Variants in SLC9C1 observed in about 807,000 individuals in gnomAD.
SLC9C1 encodes sodium/hydrogen exchanger 10.
In SLC9C1, 97 loss-of-function variants were observed where a neutral mutation model predicts 140.9. The ratio of observed to expected loss-of-function variants is 0.69; its 90% CI spans 0.58 to 0.82. The LOEUF (loss-of-function observed/expected upper bound fraction) is 0.82, where lower values mean the gene tolerates loss of function less well. SLC9C1 is among the 40% of genes least tolerant of loss of function. The pLI, the probability that SLC9C1 is intolerant of heterozygous loss-of-function variation, is 0.00. For synonymous variants in SLC9C1, 440 were observed against 442.6 expected, an observed-to-expected ratio of 0.99 and a Z score of 0.07; for missense variants, 1,340 against 1,389.3, an observed-to-expected ratio of 0.96 and a Z score of 0.56.
intron 14 of SLC9C1, among the ~76,000 whole-genome samples, chr3:112,218,400 C>T (rs1167571734): frequency 1.3e-5 from 2 of 151,158 alleles, no homozygotes; most frequent in Non-Finnish European, 2.9e-5. Context: ...TAAACCTTGC[C>T]CTTTCTATGA....
In SLC9C1 at chr3:112,280,796, T is replaced by C. The variant is rs746121797; in HGVS notation, c.89-13A>G. The C allele has an allele frequency of 5.0e-6, 8 of 1,606,140 alleles. No individual in the cohort carries two copies. Among genetic ancestry groups the C allele is most frequent in the Non-Finnish European group, 1.7e-6 (2 of 1,176,230 alleles). ...CGGTTCAAAAATGCTGCAAAAAATA[T>C]GTTGTTACTGAAAGGCAATGAGATA... On this transcript the variant is annotated splice_polypyrimidine_tract_variant and intron_variant, in intron 2 of 28. Transcript: ENST00000305815.
rs1232600685 is a variant in SLC9C1 at position 112,199,374 on chromosome 3, C to A, written c.2470G>T (p.Ala824Ser). Residue 824 changes from alanine (A) to serine (S), a missense_variant, in exon 20 of 29, where the codon GCT becomes TCT. Coordinates refer to ENST00000305815, the MANE Select transcript of SLC9C1 (RefSeq NM_183061.3). ...CTAATAATTCCTTTTAAGCCAAAAGCCTTAAGAATTTCTGTAGCCATATTG... is the reference window on the plus strand; with the variant it reads ...CTAATAATTCCTTTTAAGCCAAAAGACTTAAGAATTTCTGTAGCCATATTG... The part of the protein sequence containing the change: ...MLNMATEILK[A>S]FGLKGIISKT... The A allele has an allele frequency of 6.3e-7, 1 of 1,596,640 alleles. No individual in the cohort carries two copies. Among genetic ancestry groups the A allele is most frequent in the African/African-American group, 1.3e-5 (1 of 74,332 alleles).
chr3:112,251,175 A>G (rs1362777999), intron 10 of SLC9C1, among the ~76,000 whole-genome samples: 1 of 152,146 alleles, frequency 6.6e-6, no homozygotes, highest in Non-Finnish European at 1.5e-5. Context: ...CAGCTGAAAC[A>G]TCCAGGTACA....
intron 13 of SLC9C1, among the ~76,000 whole-genome samples, chr3:112,230,720 G>A (rs976521481): frequency 3.9e-5 from 6 of 152,102 alleles, no homozygotes; most frequent in African/African-American, 1.4e-4. Context: ...AGGCAGTGAG[G>A]AAGGGCCAAT....
At chr3:112,199,186 G>A (rs2077839377) in intron 20 of SLC9C1, 135 bp downstream of exon 20, 2 of 686,000 alleles carry the variant, frequency 2.9e-6, no homozygotes, top group South Asian at 4.0e-5. Context: ...ATAGGAGTTT[G>A]TCTTCAGAAA....
chr3:112,270,791 G>A (rs1006800216), intron 6 of SLC9C1, among the ~76,000 whole-genome samples: 13 of 152,154 alleles, frequency 8.5e-5, no homozygotes, highest in African/African-American at 3.1e-4. Context: ...ACTCCAGCCT[G>A]GGCAAGAGAG....
chr3:112,264,267 A>G lies in SLC9C1; in HGVS notation c.955T>C (p.Tyr319His). 7.0e-7 allele frequency: 1 copy of G among 1,428,318 alleles called. No homozygotes were observed. Among genetic ancestry groups the G allele is most frequent in the Non-Finnish European group, 9.3e-7 (1 of 1,073,386 alleles). 88.5% of individuals were successfully genotyped at this position (1,428,318 alleles called of 1,614,324 possible). A position where few individuals can be genotyped will look rare whatever the true frequency, so the allele number is the denominator to read the frequency against. Residue 319 changes from tyrosine to histidine, a missense_variant, in exon 9 of 29, where the codon TAT becomes CAT. Physicochemically the swap from Tyr to His is moderately conservative, Grantham distance 83 (BLOSUM62 2). Transcript: ENST00000305815. ...ATATCAACAAATTCTATATACAAAT[A>G]TGTATGTGCAGGAATTAGAAGTCCA... is the stretch of plus-strand genomic sequence containing the variant. ...FFGLLIPAHT[Y>H]LYIEFVDIYY... is the part of the protein sequence containing the mutation.
In SLC9C1 at chr3:112,266,237, C is replaced by T. The variant is rs143988154; in HGVS notation, c.878+1G>A. ...AAAGTCAAAATATGCTATCCACTTA[C>T]TCAAGAAGAAGTGTTTCTTCAATTG... On this transcript the variant is annotated splice_donor_variant, in intron 8 of 28. Transcript: ENST00000305815. LOFTEE classifies it high-confidence loss of function. The T allele has an allele frequency of 1.6e-5, 25 of 1,594,290 alleles. No homozygotes were observed. The highest frequency in any genetic ancestry group is 2.1e-5 in the Non-Finnish European group (24 of 1,164,820).
chr3:112,271,410 T>TATATATATATATA (rs1553704077), intron 6 of SLC9C1, among the ~76,000 whole-genome samples: 1 of 148,228 alleles, frequency 6.7e-6, no homozygotes, highest in African/African-American at 2.4e-5. Flanking sequence ...TATATATATA[T>TATATATATATATA]CAAAGCCTCA....
At position 112,269,937 on chromosome 3, in the gene SLC9C1, G is replaced by T. The variant is rs1269984477; in HGVS notation, c.754C>A (p.Leu252Met). 1 of 1,567,964 alleles carries T rather than the reference G, an allele frequency of 6.4e-7. No individual in the cohort carries two copies. Among genetic ancestry groups the T allele is most frequent in the Non-Finnish European group, 8.6e-7 (1 of 1,161,694 alleles). Residue 252 changes from leucine to methionine, a missense_variant, in exon 7 of 29, where the codon CTG becomes ATG. Physicochemically the swap from Leu to Met is conservative, Grantham distance 15. Coordinates refer to ENST00000305815, the MANE Select transcript of SLC9C1 (RefSeq NM_183061.3). The stretch of plus-strand genomic sequence containing the variant: ...TTACAAATATAAAAGATGAGATACA[G>T]AATTGAAAAGATGAGACTTATATGA... ...VNHISLIFSILYLIFYICELV... is the reference protein window; with the variant it reads ...VNHISLIFSIMYLIFYICELV...
chr3:112,215,124 A>C (rs2078321243), intron 15 of SLC9C1, among the ~76,000 whole-genome samples: 1 of 152,228 alleles, frequency 6.6e-6, no homozygotes, highest in African/African-American at 2.4e-5. Context: ...GATTATCTCA[A>C]TAGATGCAGA....
At chr3:112,216,355 TGGGATC>T (rs1024998869) in intron 15 of SLC9C1, among the ~76,000 whole-genome samples, 1 of 151,918 alleles carries the variant, frequency 6.6e-6, no homozygotes, top group African/African-American at 2.4e-5. Context: ...AATTGACAAA[TGGGATC>T]TAATTAAACT....
intron 15 of SLC9C1, among the ~76,000 whole-genome samples, chr3:112,211,622 C>G (rs2078208519): frequency 1.3e-5 from 2 of 152,366 alleles, no homozygotes; most frequent in South Asian, 2.1e-4. Context: ...GCACAGCAGT[C>G]TGAGATCGAA....
intron 25 of SLC9C1, among the ~76,000 whole-genome samples, chr3:112,167,956 A>G (rs912460111): frequency 6.6e-6 from 1 of 152,078 alleles, no homozygotes; most frequent in African/African-American, 2.4e-5. Context: ...CTCATTAAGC[A>G]TTATGTCAGT....
intron 23 of SLC9C1, among the ~76,000 whole-genome samples, chr3:112,174,954 T>TG (rs1234563696): frequency 1.3e-5 from 2 of 152,038 alleles, no homozygotes; most frequent in Non-Finnish European, 2.9e-5. Flanking sequence ...TGCTCTTTGC[T>TG]GGGGGTCTGG....
intron 20 of SLC9C1, among the ~76,000 whole-genome samples, chr3:112,197,466 C>A (rs956354379): frequency 6.6e-6 from 1 of 152,094 alleles, no homozygotes; most frequent in African/African-American, 2.4e-5. Context: ...CTGGCTCTTG[C>A]AAGTTGTAAG....
At chr3:112,254,376 C>T (rs2079545909) in intron 10 of SLC9C1, among the ~76,000 whole-genome samples, 2 of 152,136 alleles carry the variant, frequency 1.3e-5, no homozygotes, top group African/African-American at 4.8e-5. Context: ...CCCCATCAGG[C>T]TAACAGTGGA....
chr3:112,244,587 G>A (rs2108232683), intron 10 of SLC9C1, among the ~76,000 whole-genome samples: 1 of 152,278 alleles, frequency 6.6e-6, no homozygotes, highest in Admixed American at 6.5e-5. Flanking sequence ...CCCTTTCATT[G>A]TCAGGAAGAA....
intron 2 of SLC9C1, among the ~76,000 whole-genome samples, chr3:112,284,258 G>C (rs1175851010): frequency 6.6e-6 from 1 of 152,228 alleles, no homozygotes; most frequent in Non-Finnish European, 1.5e-5. Flanking sequence ...TGGGAACAGA[G>C]AGCTGCTTGT....
Sources: gnomAD v4.1 joint callset for allele counts (sites outside exome capture counted in the v4.1 genomes callset) on GRCh38, gnomAD v4.1.1 for gene constraint, MANE v1.5 for transcripts, NCBI Gene and HGNC (gene_info 2026-07-23, HGNC 2026-07-21) for gene names.